The following SDK1 variants were observed in gnomAD, a reference collection of about 807,000 sequenced individuals.
SDK1 encodes sidekick cell adhesion molecule 1.
A neutral mutation model predicts 245.5 loss-of-function variants in SDK1; 157 were observed. That is an observed-to-expected ratio of 0.64 (90% CI 0.56 to 0.73). The LOEUF is 0.73. Ranked by LOEUF, SDK1 falls within the 30% of genes least tolerant of loss-of-function variation. SDK1 has a pLI of 0.00. For synonymous variants in SDK1, 1,647 were observed against 1,278.5 expected (o/e 1.29, Z -6.15); for missense variants, 3,583 against 3,002.3 (o/e 1.19, Z -4.52).
At chr7:3,481,824 A>G (rs1161651917) in intron 1 of SDK1, among the ~76,000 whole-genome samples, 2 of 152,202 alleles carry the variant, frequency 1.3e-5, no homozygotes, top group Non-Finnish European at 2.9e-5. Flanking sequence ...ACCTTTTGTG[A>G]AATTCCCTTT....
intron 4 of SDK1, among the ~76,000 whole-genome samples, chr7:3,771,974 T>C (rs1016045309): frequency 2.0e-5 from 3 of 152,220 alleles, no homozygotes; most frequent in Non-Finnish European, 2.9e-5. Flanking sequence ...TGAGTTTGTC[T>C]ACTCCGTGTA....
At chr7:3,359,150 T>G (rs903291403) in intron 1 of SDK1, among the ~76,000 whole-genome samples, 3 of 152,160 alleles carry the variant, frequency 2.0e-5, no homozygotes, top group Admixed American at 2.0e-4. Flanking sequence ...TTGGTGCTTT[T>G]CTGTAGGAGT....
intron 4 of SDK1, among the ~76,000 whole-genome samples, chr7:3,720,484 A>G (rs1437422743): frequency 6.6e-6 from 1 of 152,244 alleles, no homozygotes; most frequent in Non-Finnish European, 1.5e-5. Flanking sequence ...AAGATATTCA[A>G]CTTTACTAGC....
intron 1 of SDK1, among the ~76,000 whole-genome samples, chr7:3,425,362 A>T (rs1038566416): frequency 6.6e-5 from 10 of 152,220 alleles, no homozygotes; most frequent in African/African-American, 1.9e-4. Flanking sequence ...CCCTTTAAGC[A>T]TAAATCTGTG....
chr7:3,531,828 G>A (rs572585202), intron 1 of SDK1, among the ~76,000 whole-genome samples: 127 of 152,284 alleles, frequency 8.3e-4, no homozygotes, highest in Middle Eastern at 3.4e-3. Flanking sequence ...TATACAAAGA[G>A]TTCATAAGGA....
At chr7:3,327,902 AGTTGTC>A (rs968611918) in intron 1 of SDK1, among the ~76,000 whole-genome samples, 5 of 152,056 alleles carry the variant, frequency 3.3e-5, no homozygotes, top group Admixed American at 2.0e-4. Flanking sequence ...GTATACCTAT[AGTTGTC>A]GTTCTGTCGT....
chr7:4,149,643 A>G (rs1039035600), intron 30 of SDK1, among the ~76,000 whole-genome samples, 180 bp downstream of exon 30: 7 of 152,164 alleles, frequency 4.6e-5, no homozygotes, highest in African/African-American at 1.7e-4. Flanking sequence ...TCCTGGAGCT[A>G]CTTCCAAGGG....
intron 28 of SDK1, among the ~76,000 whole-genome samples, chr7:4,143,181 C>G (rs1010588631): frequency 3.9e-5 from 6 of 152,250 alleles, no homozygotes; most frequent in East Asian, 1.9e-4. Context: ...ATTCAGCACC[C>G]TGTCCTGGAG....
intron 44 of SDK1, among the ~76,000 whole-genome samples, chr7:4,255,995 C>A (rs1046713493): frequency 7.5e-5 from 11 of 146,538 alleles, no homozygotes; most frequent in African/African-American, 2.8e-4. Context: ...TCTCAGCTCA[C>A]TGCAACCTCT....
At chr7:4,179,642 G>A (rs1327561572) in intron 35 of SDK1, among the ~76,000 whole-genome samples, 1 of 152,024 alleles carries the variant, frequency 6.6e-6, no homozygotes, top group African/African-American at 2.4e-5. Context: ...GGGTCACTCA[G>A]AGCCACCGAG....
At chr7:3,777,534 A>G (rs1295428583) in intron 4 of SDK1, among the ~76,000 whole-genome samples, 2 of 152,168 alleles carry the variant, frequency 1.3e-5, no homozygotes, top group African/African-American at 2.4e-5. Context: ...CCTTGTACTC[A>G]GGTTGCCACA....
At chr7:3,482,499 G>T (rs941487166) in intron 1 of SDK1, among the ~76,000 whole-genome samples, 2 of 152,148 alleles carry the variant, frequency 1.3e-5, no homozygotes, top group Non-Finnish European at 2.9e-5. Flanking sequence ...TAATGTAAAA[G>T]GTGAATGAGA....
At chr7:3,677,550 G>C (rs1214699727) in intron 4 of SDK1, among the ~76,000 whole-genome samples, 2 of 152,130 alleles carry the variant, frequency 1.3e-5, no homozygotes, top group Non-Finnish European at 2.9e-5. Flanking sequence ...GAATGGTATG[G>C]GGGAAACCAC....
intron 4 of SDK1, among the ~76,000 whole-genome samples, chr7:3,717,686 G>C: frequency 6.6e-6 from 1 of 152,150 alleles, no homozygotes. Flanking sequence ...TGGACCAAAT[G>C]CTCAAAAACT....
chr7:3,770,422 T>G (rs574020121), intron 4 of SDK1, among the ~76,000 whole-genome samples: 1 of 152,260 alleles, frequency 6.6e-6, no homozygotes, highest in East Asian at 1.9e-4. Context: ...CATGCACAGG[T>G]TTTTACATAA....
At chr7:3,962,287 C>A (rs989043217) in intron 8 of SDK1, among the ~76,000 whole-genome samples, 2 of 152,206 alleles carry the variant, frequency 1.3e-5, no homozygotes, top group Non-Finnish European at 2.9e-5. Flanking sequence ...GTGCCCAAGC[C>A]CTCCCGCGGT....
At chr7:3,723,045 G>T (rs1416067174) in intron 4 of SDK1, among the ~76,000 whole-genome samples, 1 of 152,244 alleles carries the variant, frequency 6.6e-6, no homozygotes, top group Non-Finnish European at 1.5e-5. Flanking sequence ...GAAACAAACA[G>T]TGAAGTTAAG....
chr7:3,791,869 A>G (rs1781102770), intron 4 of SDK1, among the ~76,000 whole-genome samples: 1 of 152,034 alleles, frequency 6.6e-6, no homozygotes, highest in Non-Finnish European at 1.5e-5. Flanking sequence ...CATGCATGTA[A>G]TCTCAGCGCT....
chr7:4,195,978 T>C (rs1783554780), intron 35 of SDK1, among the ~76,000 whole-genome samples: 1 of 152,244 alleles, frequency 6.6e-6, no homozygotes, highest in South Asian at 2.1e-4. Flanking sequence ...CAGAGGCTGC[T>C]TTTGCCCTAG....
Sources: gnomAD v4.1 joint callset for allele counts (sites outside exome capture counted in the v4.1 genomes callset) on GRCh38, gnomAD v4.1.1 for gene constraint, MANE v1.5 for transcripts, NCBI Gene and HGNC (gene_info 2026-07-23, HGNC 2026-07-21) for gene names.